The following CELF2 variants were observed in gnomAD, a reference collection of about 807,000 sequenced individuals.
CELF2 encodes CUG triplet repeat RNA-binding protein 2.
Under a neutral mutation model 62.6 loss-of-function variants are expected in CELF2, and 8 were observed. That is an observed-to-expected ratio of 0.13 (90% CI 0.07 to 0.23). The LOEUF (loss-of-function observed/expected upper bound fraction) is 0.23, where lower values mean the gene tolerates loss of function less well. Among genes scored for constraint, CELF2 ranks in the 10% least tolerant of loss-of-function variants. CELF2 has a pLI of 1.00. For synonymous variants in CELF2, 258 were observed against 250.0 expected, an observed-to-expected ratio of 1.03 and a Z score of -0.30; for missense variants, 333 against 671.0, an observed-to-expected ratio of 0.50 and a Z score of 5.56.
Position 11,333,175 on chromosome 10 carries a change from T to C in CELF2, c.*4122T>C, listed in dbSNP as rs2096061047. On this transcript the variant is annotated 3_prime_UTR_variant, in exon 13 of 13. Transcript: ENST00000633077. ...CTCAGGACGCGCCCTCTGAATCGAG[T>C]GTTTCTTCTTCACAAGTCACCAAGA... 1 of 151,940 alleles carries C rather than the reference T, an allele frequency of 6.6e-6. No individual in the cohort carries two copies. Among genetic ancestry groups the C allele is most frequent in the Non-Finnish European group, 1.5e-5 (1 of 68,008 alleles). 9.4% of individuals were successfully genotyped at this position (151,940 alleles called of 1,614,324 possible). A position where few individuals can be genotyped will look rare whatever the true frequency, so the allele number is the denominator to read the frequency against.
the CELF2 span, among the ~76,000 whole-genome samples, chr10:10,581,098 C>G: frequency 6.6e-6 from 1 of 152,216 alleles, no homozygotes; most frequent in East Asian, 1.9e-4. Flanking sequence ...TTGGAATCTC[C>G]TGAAAAGGAT....
chr10:11,201,919 A>G (rs1470402473), intron 2 of CELF2, among the ~76,000 whole-genome samples: 1 of 151,996 alleles, frequency 6.6e-6, no homozygotes, highest in Non-Finnish European at 1.5e-5. Flanking sequence ...TTTTCTGCTG[A>G]GAATCCTGTG....
the CELF2 span, among the ~76,000 whole-genome samples, chr10:10,568,347 C>G: frequency 6.6e-6 from 1 of 152,094 alleles, no homozygotes; most frequent in Non-Finnish European, 1.5e-5. Context: ...GGTCCCAGAT[C>G]AGGGATCAGC....
At chr10:10,536,234 G>T in the CELF2 span, among the ~76,000 whole-genome samples, 2 of 152,056 alleles carry the variant, frequency 1.3e-5, no homozygotes, top group Non-Finnish European at 2.9e-5. Context: ...TGGTCAGGAT[G>T]GTCTCGATCT....
intron 1 of CELF2, among the ~76,000 whole-genome samples, chr10:10,835,526 A>G (rs1024175658): frequency 6.6e-6 from 1 of 151,786 alleles, no homozygotes; most frequent in Non-Finnish European, 1.5e-5. Context: ...GGGGCTACAG[A>G]TGCCCGAAAC....
chr10:10,575,498 T>C, the CELF2 span, among the ~76,000 whole-genome samples: 2 of 152,224 alleles, frequency 1.3e-5, no homozygotes, highest in Non-Finnish European at 2.9e-5. Context: ...GTTGAGTGTG[T>C]TTTATGCAAC....
the CELF2 span, among the ~76,000 whole-genome samples, chr10:10,490,519 C>T: frequency 6.6e-6 from 1 of 151,998 alleles, no homozygotes; most frequent in African/African-American, 2.4e-5. Context: ...GGCAAAAGTG[C>T]CCTCTCTGTC....
At chr10:11,073,694 A>G (rs1384393651) in intron 1 of CELF2, among the ~76,000 whole-genome samples, 1 of 152,164 alleles carries the variant, frequency 6.6e-6, no homozygotes, top group Non-Finnish European at 1.5e-5. Context: ...CTTGGGCCTC[A>G]CAGAGTGCTG....
chr10:10,636,807 G>T, the CELF2 span, among the ~76,000 whole-genome samples: 1 of 152,150 alleles, frequency 6.6e-6, no homozygotes, highest in Non-Finnish European at 1.5e-5. Context: ...AGATTATGAA[G>T]GGGAGGGGTT....
chr10:11,279,569 A>G (rs762370093), intron 8 of CELF2, among the ~76,000 whole-genome samples: 6 of 152,228 alleles, frequency 3.9e-5, no homozygotes, highest in Admixed American at 6.5e-5. Context: ...AGAACGTTCT[A>G]TAACCACCCA....
intron 2 of CELF2, among the ~76,000 whole-genome samples, chr10:10,999,312 G>A (rs1202569429): frequency 6.6e-6 from 1 of 152,216 alleles, no homozygotes; most frequent in African/African-American, 2.4e-5. Context: ...GGGATAAAAT[G>A]GAGAAGCTCC....
At chr10:10,859,449 C>A (rs905418315) in intron 1 of CELF2, among the ~76,000 whole-genome samples, 5 of 151,954 alleles carry the variant, frequency 3.3e-5, no homozygotes, top group Non-Finnish European at 7.4e-5. Context: ...CCTAAGCAAA[C>A]AAGGTAATGG....
intron 2 of CELF2, among the ~76,000 whole-genome samples, chr10:10,932,880 G>C (rs1383571565): frequency 6.6e-6 from 1 of 152,112 alleles, no homozygotes; most frequent in African/African-American, 2.4e-5. Flanking sequence ...TGGAGATGGA[G>C]ACCCAGCCAA....
chr10:11,185,562 G>A (rs375113324), intron 2 of CELF2, among the ~76,000 whole-genome samples: 6 of 152,124 alleles, frequency 3.9e-5, no homozygotes, highest in South Asian at 4.1e-4. Context: ...TTACAGCCAC[G>A]CGCCAACATG....
At chr10:11,293,881 G>A (rs751101290) in intron 9 of CELF2, among the ~76,000 whole-genome samples, 3 of 152,040 alleles carry the variant, frequency 2.0e-5, no homozygotes, top group Admixed American at 6.6e-5. Context: ...CTAGTTTAGC[G>A]CACACGTCTC....
At position 11,100,920 on chromosome 10, in the gene CELF2, G is replaced by C. The variant is rs546987098; in HGVS notation, c.75-64566G>C. On this transcript the variant is annotated intron_variant, in intron 1 of 12. Coordinates refer to ENST00000633077, the MANE Select transcript of CELF2 (RefSeq NM_001326342.2). ...GAAACAAAATCCGCATTAGGATGCA[G>C]ATGGCAGCACGTTGAAACACCAGGC... Among the ~76,000 whole-genome samples the C allele has an allele frequency of 1.3e-3, 196 of 152,348 alleles. 1 individual carries two copies. The highest frequency in any genetic ancestry group is 4.5e-3 in the African/African-American group (188 of 41,584).
chr10:11,173,066 G>A (rs889075192), intron 2 of CELF2, among the ~76,000 whole-genome samples: 1 of 79,016 alleles, frequency 1.3e-5, no homozygotes, highest in Non-Finnish European at 2.7e-5. Flanking sequence ...TGTCTAGGCT[G>A]CCTGTCTAGG....
chr10:11,072,352 A>T (rs934721002), intron 1 of CELF2, among the ~76,000 whole-genome samples: 2 of 152,296 alleles, frequency 1.3e-5, no homozygotes, highest in South Asian at 2.1e-4. Context: ...TGATGTCACT[A>T]TGTGAGACTC....
chr10:10,611,465 A>G, the CELF2 span, among the ~76,000 whole-genome samples: 2 of 152,190 alleles, frequency 1.3e-5, no homozygotes, highest in Admixed American at 1.3e-4. Flanking sequence ...TTTTTGCATT[A>G]GTAATGCCTT....
Sources: gnomAD v4.1 joint callset for allele counts (sites outside exome capture counted in the v4.1 genomes callset) on GRCh38, gnomAD v4.1.1 for gene constraint, MANE v1.5 for transcripts, NCBI Gene and HGNC (gene_info 2026-07-23, HGNC 2026-07-21) for gene names.